TP63: variants seen among roughly 807,000 people sequenced by gnomAD.
TP63 encodes the protein tumor protein 63.
A neutral mutation model predicts 82.8 loss-of-function variants in TP63; 17 were observed. The ratio of observed to expected loss-of-function variants is 0.21; its 90% CI spans 0.14 to 0.31. TP63 has a LOEUF of 0.31. Among genes scored for constraint, TP63 ranks in the 10% least tolerant of loss-of-function variants. The probability of loss-of-function intolerance (pLI) is 1.00; values close to 1 mark genes in which losing one functional copy is unlikely to be tolerated. For missense variants in TP63, 648 were observed against 895.3 expected (o/e 0.72, Z 3.52); for synonymous variants, 330 against 321.7 (o/e 1.03, Z -0.28).
upstream of TP63, among the ~76,000 whole-genome samples, chr3:189,628,092 GA>G (rs752055712): frequency 4.8e-4 from 73 of 152,238 alleles, no homozygotes; most frequent in Admixed American, 1.7e-3. Flanking sequence ...TACAGGAGAT[GA>G]GTCTATTCAA....
chr3:189,890,951 T>C, intron 13 of TP63, 69 bp downstream of exon 13: 5 of 1,466,192 alleles, frequency 3.4e-6, no homozygotes, highest in Non-Finnish European at 4.7e-6. Flanking sequence ...AACCGCCTTG[T>C]AGTTCAATCC....
In TP63 at chr3:189,894,532, C is replaced by A; in HGVS notation, c.*30C>A. On this transcript the variant is annotated 3_prime_UTR_variant, in exon 14 of 14. Coordinates refer to ENST00000264731, the MANE Select transcript of TP63 (RefSeq NM_003722.5). Reference sequence around the variant, plus strand: ...CACCATGTGAGCTCTTCCTATCCCTCTCCTAACTGCCAGCCCCCTAAAAGC... The same window carrying A: ...CACCATGTGAGCTCTTCCTATCCCTATCCTAACTGCCAGCCCCCTAAAAGC... The A allele has an allele frequency of 6.2e-7, 1 of 1,610,574 alleles. No individual in the cohort carries two copies. Among genetic ancestry groups the A allele is most frequent in the Non-Finnish European group, 8.5e-7 (1 of 1,179,812 alleles).
Position 189,866,792 on chromosome 3 carries a change from C to T in TP63, c.877C>T (p.Pro293Ser). ...GAGTGTGCTGGTACCTTATGAGCCA[C>T]CCCAGGTAAAAAGCAAAAAACCAAA... ...RQSVLVPYEPPQVGTEFTTVL... is the reference protein window; with the variant it reads ...RQSVLVPYEPSQVGTEFTTVL... Residue 293 changes from proline (P) to serine (S), a missense_variant, in exon 6 of 14, where the codon CCC becomes TCC. Physicochemically the swap from Pro to Ser is moderately conservative, Grantham distance 74 (BLOSUM62 -1). Transcript: ENST00000264731. The T allele has an allele frequency of 6.2e-7, 1 of 1,613,958 alleles. No homozygotes were observed. The highest frequency in any genetic ancestry group is 8.5e-7 in the Non-Finnish European group (1 of 1,179,924).
At position 189,850,652 on chromosome 3, in the gene TP63, C is replaced by T. The variant is rs545843571; in HGVS notation, c.580-13580C>T. 2.2e-3 allele frequency among the ~76,000 whole-genome samples: 340 copies of T among 152,216 alleles called. 1 individual carries two copies. Among genetic ancestry groups the T allele is most frequent in the African/African-American group, 7.8e-3 (326 of 41,540 alleles). ...AAATGACGAGTTAATGGGTGCAGCA[C>T]ACCAACATGGCACATGTATACATAT... On this transcript the variant is annotated intron_variant, in intron 4 of 13. Coordinates refer to ENST00000264731, the MANE Select transcript of TP63 (RefSeq NM_003722.5).
chr3:189,665,116 A>G lies in TP63; in HGVS notation c.62+33539A>G, dbSNP rs144978485. 7.2e-4 allele frequency among the ~76,000 whole-genome samples: 110 copies of G among 152,280 alleles called. 1 individual carries two copies. The highest frequency in any genetic ancestry group is 1.4e-3 in the Non-Finnish European group (96 of 68,014). ...CCTGTGTTCTCATTATTTTACACTT[A>G]CTGCCTTTGCATGGTAAAACGACTC... On this transcript the variant is annotated intron_variant, in intron 1 of 13. Transcript: ENST00000264731.
At chr3:189,722,241 A>C (rs1017284989) in intron 1 of TP63, among the ~76,000 whole-genome samples, 2 of 152,340 alleles carry the variant, frequency 1.3e-5, no homozygotes, top group Non-Finnish European at 1.5e-5. Context: ...TCTAGACTGA[A>C]GTATATGTGG....
intron 10 of TP63, among the ~76,000 whole-genome samples, chr3:189,885,695 T>C (rs985095878): frequency 6.6e-6 from 1 of 152,252 alleles, no homozygotes; most frequent in Non-Finnish European, 1.5e-5. Flanking sequence ...TATTGGGTTT[T>C]TCTGTTGCTT....
chr3:189,891,902 T>C (rs1416815813), intron 13 of TP63, among the ~76,000 whole-genome samples: 3 of 152,096 alleles, frequency 2.0e-5, no homozygotes, highest in Non-Finnish European at 4.4e-5. Context: ...GGACTCTTTT[T>C]TCCCCCTCCT....
In TP63 at chr3:189,633,408, G is replaced by A. The variant is rs140615372; in HGVS notation, c.62+1831G>A. Among the ~76,000 whole-genome samples the A allele has an allele frequency of 6.6e-4, 100 of 152,002 alleles. No individual in the cohort carries two copies. In the East Asian group the frequency reaches 0.016, roughly 24 times the overall value. ...CTTCCACCCTCTGAAAGGCCCCAGC[G>A]TGTGTTGTTCCCCTCTATGTGTCCA... On this transcript the variant is annotated intron_variant, in intron 1 of 13. Coordinates refer to ENST00000264731, the MANE Select transcript of TP63 (RefSeq NM_003722.5).
At chr3:189,727,999 G>C (rs1052529556) in intron 1 of TP63, among the ~76,000 whole-genome samples, 8 of 152,120 alleles carry the variant, frequency 5.3e-5, no homozygotes, top group African/African-American at 1.9e-4. Flanking sequence ...ATAGTAGAGC[G>C]AAGTTTGAGA....
chr3:189,894,135 G>C (rs1244028854), intron 13 of TP63, 71 bp from the exon 14 acceptor site: 3 of 1,558,174 alleles, frequency 1.9e-6, no homozygotes, highest in Non-Finnish European at 2.6e-6. Flanking sequence ...GGGAATGATA[G>C]GATGCTGTGG....
chr3:189,803,302 GA>G, intron 3 of TP63, among the ~76,000 whole-genome samples: 1 of 151,594 alleles, frequency 6.6e-6, no homozygotes. Flanking sequence ...CCATCTCAAA[GA>G]AAAAAAATTA....
At chr3:189,629,026 C>G (rs6800124), upstream of TP63, among the ~76,000 whole-genome samples, 17,982 of 152,092 alleles carry the variant, frequency 0.12, 1,456 homozygotes, top group East Asian at 0.4. Flanking sequence ...CTATTGAAAT[C>G]ATGACATACG....
chr3:189,614,502 A>T, the TP63 span, among the ~76,000 whole-genome samples: 8 of 151,824 alleles, frequency 5.3e-5, no homozygotes, highest in Non-Finnish European at 1.2e-4. Context: ...TATTGACAGC[A>T]CCCCAGGCAA....
intron 1 of TP63, among the ~76,000 whole-genome samples, chr3:189,720,971 G>A (rs1031087890): frequency 6.6e-6 from 1 of 152,126 alleles, no homozygotes; most frequent in East Asian, 1.9e-4. Flanking sequence ...GGGCCTATTC[G>A]TAAACAAGTC....
At chr3:189,726,703 A>G (rs1577310885) in intron 1 of TP63, among the ~76,000 whole-genome samples, 2 of 152,178 alleles carry the variant, frequency 1.3e-5, no homozygotes, top group South Asian at 2.1e-4. Context: ...CCAGGTCCAC[A>G]TCTGATTGCT....
chr3:189,821,350 T>A (rs1728775125), intron 4 of TP63, among the ~76,000 whole-genome samples: 1 of 152,250 alleles, frequency 6.6e-6, no homozygotes, highest in Non-Finnish European at 1.5e-5. Flanking sequence ...ATTTGATTCC[T>A]GCATTCATAC....
intron 1 of TP63, among the ~76,000 whole-genome samples, chr3:189,726,665 C>T (rs1288308346): frequency 1.3e-5 from 2 of 152,178 alleles, no homozygotes; most frequent in Admixed American, 6.5e-5. Flanking sequence ...AGGATCCTGC[C>T]TCATTGGTCC....
At chr3:189,785,067 C>T (rs967747615) in intron 3 of TP63, among the ~76,000 whole-genome samples, 3 of 151,986 alleles carry the variant, frequency 2.0e-5, no homozygotes, top group African/African-American at 7.2e-5. Flanking sequence ...TTGACTATTA[C>T]AGGTTTTTCA....
Sources: allele counts gnomAD v4.1 joint callset (sites outside exome capture counted in the v4.1 genomes callset), GRCh38; gene constraint gnomAD v4.1.1; transcripts MANE v1.5; gene names NCBI Gene and HGNC (gene_info 2026-07-23, HGNC 2026-07-21).